Variants in TESK2 observed in about 807,000 individuals in gnomAD.
TESK2 encodes testis associated actin remodelling kinase 2.
TESK2 carries 39 observed loss-of-function variants against 57.1 expected under a neutral mutation model. The observed-to-expected ratio is 0.68, with a 90% CI of 0.53 to 0.89. The LOEUF (loss-of-function observed/expected upper bound fraction) is 0.89. Among genes scored for constraint, TESK2 ranks in the 40% least tolerant of loss-of-function variants. TESK2 has a pLI of 0.00. For synonymous variants in TESK2, 249 were observed against 267.9 expected (o/e 0.93, Z 0.69); for missense variants, 646 against 732.1 (o/e 0.88, Z 1.36).
intron 3 of TESK2, among the ~76,000 whole-genome samples, chr1:45,396,088 T>G (rs375811642): frequency 2.6e-5 from 4 of 152,050 alleles, no homozygotes; most frequent in African/African-American, 9.7e-5. Context: ...GATTCTTCAC[T>G]GGGTAAATTT....
rs768015378 is a variant in TESK2, at chr1:45,428,816, A to ACT, written c.223-6971_223-6970insAG. Among the ~76,000 whole-genome samples the ACT allele has an allele frequency of 3.1e-4, 26 of 82,586 alleles. 1 individual carries two copies. Among genetic ancestry groups the ACT allele is most frequent in the South Asian group, 1.4e-3 (3 of 2,122 alleles). 54.2% of individuals were successfully genotyped at this position (82,586 alleles called of 152,430 possible). Reference sequence around the variant, plus strand: ...ACTGCGCCCAGCTCTTAAATTCCTGATTTTTTTTTTTTTTTTTTTTTTTGA... The same window carrying ACT: ...ACTGCGCCCAGCTCTTAAATTCCTGACTTTTTTTTTTTTTTTTTTTTTTTTGA... On this transcript the variant is annotated intron_variant, in intron 2 of 10. Transcript: ENST00000372086.
At chr1:45,393,602 G>A (rs1353007398) in intron 3 of TESK2, among the ~76,000 whole-genome samples, 13 of 152,142 alleles carry the variant, frequency 8.5e-5, no homozygotes, top group Admixed American at 4.6e-4. Context: ...TTAGCCAGGC[G>A]TGGTGGTGGG....
intron 3 of TESK2, among the ~76,000 whole-genome samples, chr1:45,390,918 TTTC>T (rs1459275821): frequency 6.7e-6 from 1 of 149,294 alleles, no homozygotes; most frequent in Non-Finnish European, 1.5e-5. Context: ...TCTAGCTACA[TTTC>T]TTTTTTTTTT....
At chr1:45,470,346 C>G (rs908860121) in intron 1 of TESK2, among the ~76,000 whole-genome samples, 1 of 152,076 alleles carries the variant, frequency 6.6e-6, no homozygotes, top group African/African-American at 2.4e-5. Flanking sequence ...TTCTATGGAC[C>G]AACACAGCTA....
At chr1:45,438,658 C>T (rs187602258) in intron 2 of TESK2, among the ~76,000 whole-genome samples, 4 of 152,192 alleles carry the variant, frequency 2.6e-5, no homozygotes, top group Admixed American at 2.0e-4. Flanking sequence ...AAGCCTAGTA[C>T]CCATTAGTTA....
intron 1 of TESK2, among the ~76,000 whole-genome samples, chr1:45,470,684 AGTT>A (rs1445169384): frequency 1.3e-5 from 2 of 152,240 alleles, no homozygotes; most frequent in Non-Finnish European, 2.9e-5. Context: ...GAGATGAACT[AGTT>A]TAATCTTTAG....
chr1:45,459,348 C>T (rs1652243470), intron 1 of TESK2, among the ~76,000 whole-genome samples: 1 of 152,142 alleles, frequency 6.6e-6, no homozygotes, highest in African/African-American at 2.4e-5. Flanking sequence ...TGCTCTAATC[C>T]CCAATTCTTA....
At chr1:45,353,952 A>G (rs944748283) in intron 5 of TESK2, among the ~76,000 whole-genome samples, 16 of 152,172 alleles carry the variant, frequency 1.1e-4, no homozygotes, top group African/African-American at 3.9e-4. Context: ...CAGAAACTCA[A>G]TCACACAGGC....
chr1:45,356,984 A>G lies in TESK2; in HGVS notation c.394-1535T>C, dbSNP rs1311400203. On this transcript the variant is annotated intron_variant, in intron 4 of 10. Transcript: ENST00000372086. ...CGAGGCGGGTGGATCACCTGACATC[A>G]GGAGTTCAAGACCAGCCTGGCCAAG... 7.8e-4 allele frequency among the ~76,000 whole-genome samples: 119 copies of G among 151,956 alleles called. No homozygotes were observed. In the East Asian group the frequency reaches 8.2e-3, roughly 11 times the overall value.
intron 1 of TESK2, among the ~76,000 whole-genome samples, chr1:45,473,464 C>T (rs12138348): frequency 0.064 from 9,801 of 152,162 alleles, 367 homozygotes; most frequent in Non-Finnish European, 0.091. Context: ...AAAGTGGAAA[C>T]AACACACATA....
In TESK2 at chr1:45,396,741, G is replaced by T. The variant is rs568098825; in HGVS notation, c.345-10781C>A. 2.3e-3 allele frequency among the ~76,000 whole-genome samples: 352 copies of T among 150,748 alleles called. 5 individuals carry two copies. The highest frequency in any genetic ancestry group is 8.3e-3 in the African/African-American group (341 of 41,048). The stretch of plus-strand genomic sequence containing the variant: ...TGACCTCAGGTGATCCACCTGCCTC[G>T]GCCTCCCAAAGTGCTGGGATTACAG... On this transcript the variant is annotated intron_variant, in intron 3 of 10. Coordinates refer to ENST00000372086, the MANE Select transcript of TESK2 (RefSeq NM_007170.3).
intron 1 of TESK2, among the ~76,000 whole-genome samples, chr1:45,475,302 G>A (rs553784056): frequency 1.4e-4 from 21 of 149,064 alleles, no homozygotes; most frequent in African/African-American, 5.2e-4. Flanking sequence ...CACCTCCTGG[G>A]TTCAAGCAAT....
At chr1:45,385,710 G>GTATATATATATATATATATATA (rs754585734) in intron 4 of TESK2, among the ~76,000 whole-genome samples, 75 of 135,256 alleles carry the variant, frequency 5.5e-4, no homozygotes, top group African/African-American at 2.1e-3. Context: ...GTGTGTGTGT[G>GTATATATATATATATATATATA]TATATATATA....
At chr1:45,427,234 C>CAA (rs111269135) in intron 2 of TESK2, among the ~76,000 whole-genome samples, 91 of 129,402 alleles carry the variant, frequency 7.0e-4, no homozygotes, top group African/African-American at 2.0e-3. Context: ...GACTCTGTCT[C>CAA]AAAAAAAAAA....
chr1:45,459,391 C>G (rs1001737285), intron 1 of TESK2, among the ~76,000 whole-genome samples: 1 of 152,196 alleles, frequency 6.6e-6, no homozygotes, highest in Non-Finnish European at 1.5e-5. Context: ...TCCATGAGAT[C>G]TACCTGAATC....
At chr1:45,427,817 G>A (rs955077830) in intron 2 of TESK2, among the ~76,000 whole-genome samples, 3 of 152,072 alleles carry the variant, frequency 2.0e-5, no homozygotes, top group Non-Finnish European at 4.4e-5. Flanking sequence ...CAAAAATATA[G>A]CTTGATAGAA....
At chr1:45,480,458 CAAAA>C (rs112614744) in intron 1 of TESK2, among the ~76,000 whole-genome samples, 1 of 74,068 alleles carries the variant, frequency 1.4e-5, no homozygotes, top group Admixed American at 1.6e-4. Context: ...ACTCAGTCTC[CAAAA>C]AAAAAAAAAA....
Position 45,344,745 on chromosome 1 carries a change from G to T in TESK2, c.*95C>A. 8.0e-7 allele frequency: 1 copy of T among 1,252,010 alleles called. No individual in the cohort carries two copies. Among genetic ancestry groups the T allele is most frequent in the Non-Finnish European group, 1.1e-6 (1 of 898,256 alleles). The allele number at this position is 1,252,010 out of a possible 1,614,324, so 77.6% of individuals were successfully genotyped here. A position where few individuals can be genotyped will look rare whatever the true frequency, so the allele number is the denominator to read the frequency against. ...TGGCTTGGCCTAGCCTGCCTGCTCTGTAGGCTCCAGGGAAGAATCAAGGCT... is the reference window on the plus strand; with the variant it reads ...TGGCTTGGCCTAGCCTGCCTGCTCTTTAGGCTCCAGGGAAGAATCAAGGCT... On this transcript the variant is annotated 3_prime_UTR_variant, in exon 11 of 11. Coordinates refer to ENST00000372086, the MANE Select transcript of TESK2 (RefSeq NM_007170.3).
In TESK2 at chr1:45,440,623, G is replaced by A. The variant is rs143128317; in HGVS notation, c.222+16941C>T. On this transcript the variant is annotated intron_variant, in intron 2 of 10. Transcript: ENST00000372086. ...CCCAGCTACCCAGGAGGCTGAGGCA[G>A]AAGAATCACTTAAACCGGGGAGGCA... is the stretch of plus-strand genomic sequence containing the variant. 5.5e-4 allele frequency among the ~76,000 whole-genome samples: 84 copies of A among 151,838 alleles called. No homozygotes were observed. In the East Asian group the frequency reaches 0.013, roughly 24 times the overall value.
Sources: allele counts gnomAD v4.1 joint callset (sites outside exome capture counted in the v4.1 genomes callset), GRCh38; gene constraint gnomAD v4.1.1; transcripts MANE v1.5; gene names NCBI Gene and HGNC (gene_info 2026-07-23, HGNC 2026-07-21).